Variants in NAA35 observed in about 807,000 individuals in gnomAD.
NAA35 encodes MAK10 homolog, amino-acid N-acetyltransferase subunit.
Under a neutral mutation model 101.7 loss-of-function variants are expected in NAA35, and 18 were observed. The observed-to-expected ratio is 0.18, with a 90% CI of 0.12 to 0.26. The LOEUF is 0.26. Ranked by LOEUF, NAA35 falls within the 10% of genes least tolerant of loss-of-function variation. The probability of loss-of-function intolerance (pLI) is 1.00; values close to 1 mark genes in which losing one functional copy is unlikely to be tolerated. For missense variants in NAA35, 601 were observed against 886.8 expected, an observed-to-expected ratio of 0.68 and a Z score of 4.09; for synonymous variants, 267 against 273.1, an observed-to-expected ratio of 0.98 and a Z score of 0.22.
intron 11 of NAA35, 55 bp downstream of exon 11, chr9:85,978,436 T>G: frequency 8.0e-7 from 1 of 1,242,926 alleles, no homozygotes; most frequent in Non-Finnish European, 1.2e-6. Flanking sequence ...TCCAAAATAT[T>G]TAGTGCTTAG....
At chr9:85,955,360 A>ATATATATATTTT (rs749448250) in intron 2 of NAA35, among the ~76,000 whole-genome samples, 1 of 53,938 alleles carries the variant, frequency 1.9e-5, no homozygotes, top group Admixed American at 3.8e-4. Flanking sequence ...ATATATATAT[A>ATATATATATTTT]TTTTTTTTTT....
intron 11 of NAA35, among the ~76,000 whole-genome samples, chr9:85,990,207 T>C (rs1830842320): frequency 6.6e-6 from 1 of 152,180 alleles, no homozygotes; most frequent in Non-Finnish European, 1.5e-5. Context: ...AACAATACAC[T>C]ATCATGGGAA....
intron 4 of NAA35, 21 bp from the exon 5 acceptor site, chr9:85,959,772 C>G: frequency 6.3e-7 from 1 of 1,583,026 alleles, no homozygotes; most frequent in East Asian, 2.3e-5. Context: ...GCTTATATGT[C>G]ACATTCTTCC....
chr9:85,991,452 A>G lies in NAA35; in HGVS notation c.878-4947A>G, dbSNP rs561721126. Reference sequence around the variant, plus strand: ...TTTCCCAGGTATGGGGTGTCAGATCATAAGTGGGGGGAAGAGGCTGTCCAG... The same window carrying G: ...TTTCCCAGGTATGGGGTGTCAGATCGTAAGTGGGGGGAAGAGGCTGTCCAG... On this transcript the variant is annotated intron_variant, in intron 11 of 22. Coordinates refer to ENST00000361671, the MANE Select transcript of NAA35 (RefSeq NM_024635.4). Among the ~76,000 whole-genome samples the G allele has an allele frequency of 3.9e-5, 6 of 152,260 alleles. No individual in the cohort carries two copies. In the South Asian group the frequency reaches 1.2e-3, roughly 32 times the overall value.
At chr9:85,976,374 A>T (rs1830212026) in intron 8 of NAA35, among the ~76,000 whole-genome samples, 1 of 152,180 alleles carries the variant, frequency 6.6e-6, no homozygotes, top group South Asian at 2.1e-4. Flanking sequence ...CAGGAATTTC[A>T]ATTAATATCT....
Position 85,978,290 on chromosome 9 carries a change from A to C in NAA35, c.786A>C (p.Gln262His), listed in dbSNP as rs1830298183. The C allele has an allele frequency of 1.2e-6, 2 of 1,613,050 alleles. No homozygotes were observed. Among genetic ancestry groups the C allele is most frequent in the Non-Finnish European group, 1.7e-6 (2 of 1,179,180 alleles). ...KKETSAVAEA[Q>H]KLMVQAADLL... ...AGACCAGTGCTGTTGCAGAAGCTCA[A>C]AAATTGATGGTTCAAGCAGCAGATC... Residue 262 changes from glutamine to histidine, a missense_variant, in exon 11 of 23, where the codon CAA becomes CAC. By Grantham distance (24) the Gln-to-His change is conservative (BLOSUM62 0). This residue lies in a region of NAA35 where 190 missense variants were observed against 223.1 expected (regional missense o/e 0.85). Coordinates refer to ENST00000361671, the MANE Select transcript of NAA35 (RefSeq NM_024635.4).
At chr9:86,012,035 AAAAAC>A (rs1173422068) in intron 15 of NAA35, among the ~76,000 whole-genome samples, 2 of 147,136 alleles carry the variant, frequency 1.4e-5, no homozygotes, top group African/African-American at 5.0e-5. Flanking sequence ...TGGGGAAAGA[AAAAAC>A]AATAGAAGAC....
In NAA35 at chr9:85,942,146, A is replaced by T. The variant is rs769070889; in HGVS notation, c.-5-9A>T. ...CATCCTCTCTCTTACATCAGTATTA[A>T]TTTTACAGGCATAATGGTTATGAAA... is the stretch of plus-strand genomic sequence containing the variant. On this transcript the variant is annotated splice_polypyrimidine_tract_variant and intron_variant, in intron 1 of 22. Transcript: ENST00000361671. 2.5e-6 allele frequency: 4 copies of T among 1,609,532 alleles called. No homozygotes were observed. The Admixed American group carries it at 5.1e-5, about 21-fold the overall frequency.
In NAA35 at chr9:85,950,568, C is replaced by T. The variant is rs201874483; in HGVS notation, c.125-5792C>T. 4.6e-5 allele frequency among the ~76,000 whole-genome samples: 7 copies of T among 152,060 alleles called. No individual in the cohort carries two copies. The South Asian group carries it at 8.3e-4, about 18-fold the overall frequency. On this transcript the variant is annotated intron_variant, in intron 2 of 22. Coordinates refer to ENST00000361671, the MANE Select transcript of NAA35 (RefSeq NM_024635.4). ...ATTACTGAAGTTCTAAGGAATCTTA[C>T]GAGTCATCTAGTCTAACCTTTCATT...
chr9:86,003,711 T>A, intron 13 of NAA35, 67 bp downstream of exon 13: 1 of 939,358 alleles, frequency 1.1e-6, no homozygotes, highest in Non-Finnish European at 1.6e-6. Flanking sequence ...GTTTTATTGA[T>A]TGATTGAACA....
Position 86,022,730 on chromosome 9 carries a change from G to A in NAA35, c.*770G>A, listed in dbSNP as rs914233057. ...ACCCATGAAACATTTTCAAATGGGT[G>A]TCTGTTCAGTATCCTCTGGCTTTGA... On this transcript the variant is annotated 3_prime_UTR_variant, in exon 23 of 23. Transcript: ENST00000361671. Among the ~76,000 whole-genome samples, 2 of 152,162 alleles carry A rather than the reference G, an allele frequency of 1.3e-5. No homozygotes were observed. Among genetic ancestry groups the A allele is most frequent in the Admixed American group, 1.3e-4 (2 of 15,282 alleles).
intron 5 of NAA35, among the ~76,000 whole-genome samples, chr9:85,960,645 C>G (rs1428805996): frequency 1.3e-5 from 2 of 152,134 alleles, no homozygotes; most frequent in African/African-American, 2.4e-5. Flanking sequence ...CTCTTTACCC[C>G]CTCAAAGATT....
rs1264705847 is a variant in NAA35, at chr9:86,024,082, A to G, written c.*2122A>G. Among the ~76,000 whole-genome samples, 4 of 152,264 alleles carry G rather than the reference A, an allele frequency of 2.6e-5. No individual in the cohort carries two copies. On this transcript the variant is annotated 3_prime_UTR_variant, in exon 23 of 23. Transcript: ENST00000361671. ...TTCAAGGTACTTACTGAAAAAAACAATAGGAGAAATAAGACAGTCTCCTGT... is the reference window on the plus strand; with the variant it reads ...TTCAAGGTACTTACTGAAAAAAACAGTAGGAGAAATAAGACAGTCTCCTGT...
intron 2 of NAA35, among the ~76,000 whole-genome samples, chr9:85,944,880 A>G (rs1828690150): frequency 6.6e-6 from 1 of 152,236 alleles, no homozygotes; most frequent in Non-Finnish European, 1.5e-5. Context: ...ATGTTCACCC[A>G]GGGTGGTTGC....
chr9:85,955,360 A>ATATATATATATT (rs749448250), intron 2 of NAA35, among the ~76,000 whole-genome samples: 2 of 53,940 alleles, frequency 3.7e-5, no homozygotes, highest in Non-Finnish European at 6.0e-5. Context: ...ATATATATAT[A>ATATATATATATT]TTTTTTTTTT....
intron 12 of NAA35, among the ~76,000 whole-genome samples, chr9:85,998,172 C>T (rs1027762476): frequency 3.9e-5 from 6 of 152,026 alleles, no homozygotes; most frequent in South Asian, 2.1e-4. Flanking sequence ...CCTTGGCCTC[C>T]GAAAATGCTG....
chr9:85,953,760 T>A (rs1829123017), intron 2 of NAA35, among the ~76,000 whole-genome samples: 1 of 152,102 alleles, frequency 6.6e-6, no homozygotes. Flanking sequence ...CTTTAAGTAT[T>A]TCATTTAAAT....
At chr9:85,997,307 C>T (rs1346198398) in intron 12 of NAA35, among the ~76,000 whole-genome samples, 9 of 151,566 alleles carry the variant, frequency 5.9e-5, no homozygotes, top group Admixed American at 5.9e-4. Flanking sequence ...TTCAGCCTCC[C>T]AAGTAGCTGG....
In NAA35 at chr9:85,977,233, G is replaced by C. The variant is rs893747898; in HGVS notation, c.679-130G>C. 5.8e-6 allele frequency: 4 copies of C among 686,314 alleles called. No homozygotes were observed. In the African/African-American group the frequency reaches 7.3e-5, roughly 13 times the overall value. 42.5% of individuals were successfully genotyped at this position (686,314 alleles called of 1,614,324 possible). ...CAGCTCATTTTTCAGGCTTTTAAAA[G>C]CCTGTAAGTGAAGGTGCCTGTAATG... On this transcript the variant is annotated intron_variant, in intron 9 of 22. Transcript: ENST00000361671.
Sources: gnomAD v4.1 joint callset for allele counts (sites outside exome capture counted in the v4.1 genomes callset) on GRCh38, gnomAD v4.1.1 for gene constraint, gnomAD v4.1.1 regional missense constraint, MANE v1.5 for transcripts, NCBI Gene and HGNC (gene_info 2026-07-23, HGNC 2026-07-21) for gene names.